C4orf17: variants seen among roughly 807,000 people sequenced by gnomAD.
The protein encoded by C4orf17 is uncharacterized protein C4orf17.
A neutral mutation model predicts 32.0 loss-of-function variants in C4orf17; 25 were observed. The observed-to-expected ratio is 0.78, with a 90% CI of 0.57 to 1.09. The LOEUF is 1.09. C4orf17 is among the 50% of genes least tolerant of loss of function. C4orf17 has a pLI of 0.00. For missense variants in C4orf17, 420 were observed against 420.0 expected (o/e 1.00, Z 0.00); for synonymous variants, 149 against 145.8 (o/e 1.02, Z -0.16).
intron 3 of C4orf17, 73 bp downstream of exon 3, chr4:99,522,782 TGCTAAAA>T: frequency 8.6e-7 from 1 of 1,156,874 alleles, no homozygotes; most frequent in African/African-American, 1.6e-5. Context: ...GTCTATATGA[TGCTAAAA>T]TAGCTGCAGT....
intron 2 of C4orf17, among the ~76,000 whole-genome samples, chr4:99,519,582 A>G (rs922383561): frequency 3.3e-5 from 5 of 152,208 alleles, no homozygotes; most frequent in African/African-American, 1.2e-4. Flanking sequence ...TTTAAATTGC[A>G]TCCAGATAAA....
intron 2 of C4orf17, among the ~76,000 whole-genome samples, chr4:99,520,917 A>G (rs1002030473): frequency 2.0e-5 from 3 of 152,218 alleles, no homozygotes; most frequent in African/African-American, 7.2e-5. Context: ...AGATTAAGCC[A>G]TTTCTTTACT....
chr4:99,534,968 AG>A (rs2110173085), intron 5 of C4orf17, among the ~76,000 whole-genome samples: 1 of 152,304 alleles, frequency 6.6e-6, no homozygotes, highest in East Asian at 1.9e-4. Context: ...TTGTCTAAAA[AG>A]GATCTTATTT....
intron 3 of C4orf17, among the ~76,000 whole-genome samples, chr4:99,524,137 GC>G (rs1289794381): frequency 6.6e-6 from 1 of 151,718 alleles, no homozygotes; most frequent in Non-Finnish European, 1.5e-5. Flanking sequence ...CCGCCACCAC[GC>G]CCGGCTAATT....
chr4:99,524,128 C>G (rs971670855), intron 3 of C4orf17, among the ~76,000 whole-genome samples: 1 of 151,746 alleles, frequency 6.6e-6, no homozygotes, highest in African/African-American at 2.4e-5. Context: ...TACAGGCGCC[C>G]GCCACCACGC....
At chr4:99,537,415 AG>A (rs1723580114) in intron 5 of C4orf17, among the ~76,000 whole-genome samples, 1 of 152,150 alleles carries the variant, frequency 6.6e-6, no homozygotes, top group Admixed American at 6.5e-5. Context: ...CCCTCTTGTG[AG>A]GAGCAATACC....
In C4orf17 at chr4:99,542,096, C is replaced by T; in HGVS notation, c.1067C>T (p.Thr356Ile). Residue 356 changes from threonine (T) to isoleucine (I), a missense_variant, in exon 9 of 9, where the codon ACA (threonine) becomes ATA (isoleucine). Transcript: ENST00000326581. ...LCPQRACYPS[T>I]HRR ...CCCCAAAGAGCATGTTATCCTTCAA[C>T]ACACCGGAGGTAGAAGTTCTAGACT... The T allele has an allele frequency of 6.2e-7, 1 of 1,613,732 alleles. No individual in the cohort carries two copies. The highest frequency in any genetic ancestry group is 1.3e-5 in the African/African-American group (1 of 75,034).
intron 2 of C4orf17, among the ~76,000 whole-genome samples, chr4:99,515,489 A>T (rs936495262): frequency 7.2e-5 from 11 of 152,130 alleles, no homozygotes; most frequent in Admixed American, 3.9e-4. Flanking sequence ...AGTGGGAGCT[A>T]AATGATGAGA....
intron 5 of C4orf17, among the ~76,000 whole-genome samples, chr4:99,534,245 T>G (rs893120123): frequency 1.3e-5 from 2 of 152,214 alleles, no homozygotes; most frequent in Non-Finnish European, 2.9e-5. Context: ...TGTTTGGTTT[T>G]CTGTTCCTTC....
At chr4:99,540,689 C>T (rs573041717) in intron 8 of C4orf17, 2 of 423,046 alleles carry the variant, frequency 4.7e-6, no homozygotes, top group South Asian at 3.8e-5. Flanking sequence ...AGAAGCAAGA[C>T]AGCAGGACAA....
intron 2 of C4orf17, among the ~76,000 whole-genome samples, chr4:99,521,054 T>G (rs1399635328): frequency 6.6e-6 from 1 of 152,198 alleles, no homozygotes; most frequent in Non-Finnish European, 1.5e-5. Context: ...AATTAGCTAA[T>G]AAGCATTAGC....
Position 99,529,949 on chromosome 4 carries a change from G to A in C4orf17, c.537G>A (p.Gln179=), listed in dbSNP as rs371184535. The A allele has an allele frequency of 2.5e-6, 4 of 1,603,962 alleles. No homozygotes were observed. Among genetic ancestry groups the A allele is most frequent in the African/African-American group, 1.4e-5 (1 of 73,888 alleles). The change falls in exon 5 of 9, where the codon CAG becomes CAA. Residue 179 remains glutamine, a synonymous_variant. Coordinates refer to ENST00000326581, the MANE Select transcript of C4orf17 (RefSeq NM_032149.3). ...NTICIPNYLD[Q]EIKILAKLCS... ...TTTGCATACCAAACTATCTGGATCA[G>A]GAAATAAAAGTAAGTATCAGGTTTA...
At chr4:99,526,059 G>A (rs759682508) in intron 4 of C4orf17, among the ~76,000 whole-genome samples, 1 of 152,172 alleles carries the variant, frequency 6.6e-6, no homozygotes, top group Non-Finnish European at 1.5e-5. Flanking sequence ...GATGAGGGCA[G>A]ACATCCTTGC....
chr4:99,537,278 C>CCT (rs1461976344), intron 5 of C4orf17, among the ~76,000 whole-genome samples: 3 of 152,120 alleles, frequency 2.0e-5, no homozygotes, highest in Non-Finnish European at 4.4e-5. Flanking sequence ...CAGTGACAAA[C>CCT]CTCTCTTGGT....
At chr4:99,529,002 C>T (rs1723435509) in intron 4 of C4orf17, among the ~76,000 whole-genome samples, 1 of 152,108 alleles carries the variant, frequency 6.6e-6, no homozygotes, top group South Asian at 2.1e-4. Flanking sequence ...TACTATTTTT[C>T]CATAACAAAG....
intron 4 of C4orf17, among the ~76,000 whole-genome samples, chr4:99,525,973 C>T (rs894878165): frequency 2.6e-5 from 4 of 152,092 alleles, no homozygotes; most frequent in African/African-American, 9.7e-5. Flanking sequence ...CATAGTTTCG[C>T]ATCTGCATGC....
intron 2 of C4orf17, 86 bp from the exon 3 acceptor site, chr4:99,522,414 G>A: frequency 9.6e-7 from 1 of 1,040,410 alleles, no homozygotes; most frequent in Non-Finnish European, 1.4e-6. Flanking sequence ...ATTTGGTTGG[G>A]AAATTGTTGA....
intron 8 of C4orf17, 24 bp downstream of exon 8, chr4:99,540,479 A>G (rs1284106147): frequency 6.4e-7 from 1 of 1,560,446 alleles, no homozygotes; most frequent in East Asian, 2.3e-5. Context: ...TTTGGTAACT[A>G]TTGAGTTGGT....
rs750400968 is a variant in C4orf17 at position 99,522,500 on chromosome 4, G to T, written c.128G>T (p.Gly43Val). The change falls in exon 3 of 9, where the codon GGC becomes GTC. Residue 43 changes from glycine (G) to valine (V), a missense_variant and splice_region_variant. Physicochemically the swap from Gly to Val is moderately radical, Grantham distance 109 (BLOSUM62 -3). Coordinates refer to ENST00000326581, the MANE Select transcript of C4orf17 (RefSeq NM_032149.3). The part of the protein sequence containing the change: ...PHPRRVCHIK[G>V]LNNIPICTVN... ...CTTTTTTTAATCTTTACTCACCTAG[G>T]CTTGAATAACATTCCAATCTGTACT... 1 of 1,612,102 alleles carries T rather than the reference G, an allele frequency of 6.2e-7. No homozygotes were observed. The highest frequency in any genetic ancestry group is 8.5e-7 in the Non-Finnish European group (1 of 1,178,644).
Sources: gnomAD v4.1 joint callset for allele counts (sites outside exome capture counted in the v4.1 genomes callset) on GRCh38, gnomAD v4.1.1 for gene constraint, MANE v1.5 for transcripts, NCBI Gene and HGNC (gene_info 2026-07-23, HGNC 2026-07-21) for gene names.